RIT2: variants seen among roughly 807,000 people sequenced by gnomAD.
RIT2 encodes the protein GTP-binding protein Rit2.
A neutral mutation model predicts 23.7 loss-of-function variants in RIT2; 24 were observed. That is an observed-to-expected ratio of 1.01 (90% CI 0.73 to 1.43). The LOEUF is 1.43. Ranked by LOEUF, RIT2 falls within the 40% of genes most tolerant of loss-of-function variation. The probability of loss-of-function intolerance (pLI) is 0.00; values close to 1 mark genes in which losing one functional copy is unlikely to be tolerated. For missense variants in RIT2, 236 were observed against 266.9 expected, an observed-to-expected ratio of 0.88 and a Z score of 0.81; for synonymous variants, 107 against 91.1, an observed-to-expected ratio of 1.17 and a Z score of -0.99.
chr18:42,817,859 C>T (rs1450625902), intron 4 of RIT2, among the ~76,000 whole-genome samples: 1 of 151,970 alleles, frequency 6.6e-6, no homozygotes, highest in Non-Finnish European at 1.5e-5. Flanking sequence ...TAATATAGCG[C>T]ATGCACAAAA....
Position 43,011,919 on chromosome 18 carries a change from A to G in RIT2, c.160+21892T>C, listed in dbSNP as rs145387264. On this transcript the variant is annotated intron_variant, in intron 2 of 4. Transcript: ENST00000326695. ...TTGTATTTTAATCAGGAACATCAAT[A>G]TTTGAGTATCAAATTAAAAGATTGC... Among the ~76,000 whole-genome samples, 38 of 151,996 alleles carry G rather than the reference A, an allele frequency of 2.5e-4. No individual in the cohort carries two copies. The East Asian group carries it at 5.1e-3, about 20-fold the overall frequency.
At position 42,936,616 on chromosome 18, in the gene RIT2, T is replaced by C. The variant is rs1001575622; in HGVS notation, c.235-12853A>G. On this transcript the variant is annotated intron_variant, in intron 3 of 4. Transcript: ENST00000326695. ...TGTGGTCTCTATCTTTTATGCACTA[T>C]CATACTTAGAACACCAATTTAACCC... is the stretch of plus-strand genomic sequence containing the variant. Among the ~76,000 whole-genome samples the C allele has an allele frequency of 9.2e-5, 14 of 152,328 alleles. No individual in the cohort carries two copies. The East Asian group carries it at 2.5e-3, about 27-fold the overall frequency.
At chr18:42,998,256 T>A (rs896855987) in intron 2 of RIT2, among the ~76,000 whole-genome samples, 4 of 152,134 alleles carry the variant, frequency 2.6e-5, no homozygotes, top group Non-Finnish European at 4.4e-5. Context: ...TGTGAAGGTT[T>A]GACTTACCCA....
chr18:42,865,341 T>C (rs1027460089), intron 4 of RIT2, among the ~76,000 whole-genome samples: 1 of 152,220 alleles, frequency 6.6e-6, no homozygotes, highest in Non-Finnish European at 1.5e-5. Context: ...CAAGCCCATC[T>C]GCTATTGTTA....
intron 4 of RIT2, among the ~76,000 whole-genome samples, chr18:42,829,029 T>A (rs1906383586): frequency 1.3e-5 from 2 of 152,142 alleles, no homozygotes; most frequent in African/African-American, 4.8e-5. Context: ...CTCTCACTGT[T>A]GTCTATGGGT....
chr18:43,089,054 G>A (rs1465425518), intron 1 of RIT2, among the ~76,000 whole-genome samples: 1 of 152,060 alleles, frequency 6.6e-6, no homozygotes, highest in African/African-American at 2.4e-5. Flanking sequence ...AGAAGATAAC[G>A]ATGCCCTTTC....
intron 4 of RIT2, among the ~76,000 whole-genome samples, chr18:42,791,061 A>C (rs1914032217): frequency 6.6e-6 from 1 of 152,226 alleles, no homozygotes; most frequent in Non-Finnish European, 1.5e-5. Flanking sequence ...TGTTCATAGA[A>C]TAAGCAATCT....
intron 1 of RIT2, 44 bp from the exon 2 acceptor site, chr18:43,033,911 TTCA>T: frequency 7.5e-7 from 1 of 1,341,014 alleles, no homozygotes; most frequent in Non-Finnish European, 1.1e-6. Context: ...AATTCACTAA[TTCA>T]TCAATAAGTT....
chr18:43,026,283 C>T lies in RIT2; in HGVS notation c.160+7528G>A, dbSNP rs117807879. On this transcript the variant is annotated intron_variant, in intron 2 of 4. Coordinates refer to ENST00000326695, the MANE Select transcript of RIT2 (RefSeq NM_002930.4). ...AGAGATAAGAAAGGTTGGCCGGGCA[C>T]GGTGGCTCATGCCTATAATCCCAGC... Among the ~76,000 whole-genome samples the T allele has an allele frequency of 5.8e-3, 885 of 152,032 alleles. 17 individuals carry two copies. The highest frequency in any genetic ancestry group is 0.044 in the East Asian group (225 of 5,128).
At chr18:42,865,822 C>T (rs558636657) in intron 4 of RIT2, among the ~76,000 whole-genome samples, 2 of 152,250 alleles carry the variant, frequency 1.3e-5, no homozygotes, top group East Asian at 3.9e-4. Context: ...TGCATATATT[C>T]CCAGCCCCAT....
chr18:42,944,605 T>C (rs1909684042), intron 3 of RIT2, among the ~76,000 whole-genome samples: 1 of 152,126 alleles, frequency 6.6e-6, no homozygotes, highest in Non-Finnish European at 1.5e-5. Flanking sequence ...GAGCCAGGAC[T>C]ATGAATTTTT....
intron 2 of RIT2, among the ~76,000 whole-genome samples, chr18:42,980,243 C>T (rs1017024660): frequency 1.4e-4 from 21 of 151,972 alleles, no homozygotes. Flanking sequence ...AGGACCTAAA[C>T]CCTAGAAATT....
chr18:42,899,565 T>C (rs1003955024), intron 4 of RIT2, among the ~76,000 whole-genome samples: 1 of 151,990 alleles, frequency 6.6e-6, no homozygotes, highest in African/African-American at 2.4e-5. Context: ...TGTTGGTTCT[T>C]CTCATGAGAG....
chr18:42,809,849 T>TTA (rs1013604225), intron 4 of RIT2, among the ~76,000 whole-genome samples: 1 of 116,410 alleles, frequency 8.6e-6, no homozygotes. Flanking sequence ...TGTATATATG[T>TTA]TATATATATT....
At chr18:42,871,032 C>T (rs983492571) in intron 4 of RIT2, among the ~76,000 whole-genome samples, 2 of 152,122 alleles carry the variant, frequency 1.3e-5, no homozygotes, top group Non-Finnish European at 2.9e-5. Context: ...GACTTGTGGT[C>T]TATGTTCTGA....
chr18:42,751,415 G>T (rs1329815811), intron 4 of RIT2, among the ~76,000 whole-genome samples: 1 of 151,548 alleles, frequency 6.6e-6, no homozygotes, highest in Non-Finnish European at 1.5e-5. Context: ...TTTCCTAATG[G>T]TTAAAATATA....
At chr18:42,887,798 A>G (rs1021234927) in intron 4 of RIT2, among the ~76,000 whole-genome samples, 1 of 148,610 alleles carries the variant, frequency 6.7e-6, no homozygotes, top group African/African-American at 2.5e-5. Flanking sequence ...ACTGTGGTAC[A>G]TTCATACAAT....
At chr18:42,746,036 C>T (rs961113324) in intron 4 of RIT2, among the ~76,000 whole-genome samples, 10 of 152,104 alleles carry the variant, frequency 6.6e-5, no homozygotes, top group Admixed American at 2.6e-4. Flanking sequence ...TTTTTGGCAG[C>T]TCTGCTCCAG....
chr18:42,848,158 A>G (rs1906958188), intron 4 of RIT2, among the ~76,000 whole-genome samples: 1 of 152,208 alleles, frequency 6.6e-6, no homozygotes. Context: ...CCATGTTGAC[A>G]TGTTGACCCA....
Sources: allele counts gnomAD v4.1 joint callset (sites outside exome capture counted in the v4.1 genomes callset), GRCh38; gene constraint gnomAD v4.1.1; transcripts MANE v1.5; gene names NCBI Gene and HGNC (gene_info 2026-07-23, HGNC 2026-07-21).